DNA2: variants seen among roughly 807,000 people sequenced by gnomAD.
DNA2 encodes the protein DNA replication helicase/nuclease 2.
In DNA2, 101 loss-of-function variants were observed where a neutral mutation model predicts 119.1. The ratio of observed to expected loss-of-function variants is 0.85; its 90% confidence interval spans 0.72 to 1.00. The LOEUF is 1.00. Among genes scored for constraint, DNA2 ranks in the 50% least tolerant of loss-of-function variants. DNA2 has a pLI of 0.00. For synonymous variants in DNA2, 366 were observed against 424.4 expected, an observed-to-expected ratio of 0.86 and a Z score of 1.69; for missense variants, 1,121 against 1,255.5, an observed-to-expected ratio of 0.89 and a Z score of 1.62.
intron 3 of DNA2, among the ~76,000 whole-genome samples, chr10:68,466,052 GCT>G (rs2052323632): frequency 6.7e-6 from 1 of 150,258 alleles, no homozygotes; most frequent in Non-Finnish European, 1.5e-5. Flanking sequence ...ACAGAGTCTT[GCT>G]CTGTCACCCA....
chr10:68,417,942 A>C (rs1343859320), intron 19 of DNA2, among the ~76,000 whole-genome samples: 1 of 152,224 alleles, frequency 6.6e-6, no homozygotes, highest in African/African-American at 2.4e-5. Context: ...TATATGAGGT[A>C]CTTAGATTAG....
intron 8 of DNA2, among the ~76,000 whole-genome samples, chr10:68,444,414 C>CAAAT (rs1326807958): frequency 1.3e-5 from 2 of 150,462 alleles, no homozygotes; most frequent in South Asian, 2.1e-4. Context: ...AAATAAAATA[C>CAAAT]AAATAAATAA....
chr10:68,436,875 G>A, intron 10 of DNA2, 136 bp downstream of exon 10: 2 of 664,274 alleles, frequency 3.0e-6, no homozygotes, highest in East Asian at 5.7e-5. Flanking sequence ...AATACTCAAA[G>A]TTGATTGTGG....
chr10:68,455,649 C>T (rs1160319110), intron 5 of DNA2, among the ~76,000 whole-genome samples: 5 of 151,650 alleles, frequency 3.3e-5, no homozygotes, highest in Admixed American at 2.6e-4. Flanking sequence ...GGTGAAACCT[C>T]GCCTCTACTA....
chr10:68,472,188 G>C (rs1368409818), upstream of DNA2: 3 of 1,274,462 alleles, frequency 2.4e-6, no homozygotes, highest in Non-Finnish European at 3.0e-6. Flanking sequence ...GAAACCTCCC[G>C]GGTTCACACC....
At chr10:68,424,160 G>A (rs999142220) in intron 14 of DNA2, among the ~76,000 whole-genome samples, 4 of 152,040 alleles carry the variant, frequency 2.6e-5, no homozygotes, top group Non-Finnish European at 5.9e-5. Flanking sequence ...CAAAGTCTCA[G>A]CCAAGAAATA....
At chr10:68,445,133 A>G (rs765526575) in intron 7 of DNA2, 50 bp from the exon 8 acceptor site, 3 of 1,509,732 alleles carry the variant, frequency 2.0e-6, no homozygotes, top group Non-Finnish European at 2.7e-6. Context: ...AAAGTTTATC[A>G]TGTCTTTTTC....
intron 20 of DNA2, 68 bp from the exon 21 acceptor site, chr10:68,415,175 T>C: frequency 1.0e-6 from 1 of 988,750 alleles, no homozygotes; most frequent in East Asian, 2.7e-5. Context: ...CATTATTATT[T>C]AACATTTTGT....
chr10:68,449,781 T>G (rs191953154), intron 6 of DNA2, among the ~76,000 whole-genome samples: 7 of 151,760 alleles, frequency 4.6e-5, no homozygotes, highest in African/African-American at 1.7e-4. Flanking sequence ...GGCATGATGG[T>G]GAGGGCCTGT....
intron 4 of DNA2, among the ~76,000 whole-genome samples, chr10:68,462,938 G>T (rs549066591): frequency 6.6e-6 from 1 of 151,938 alleles, no homozygotes; most frequent in Admixed American, 6.6e-5. Context: ...AGACCAGCCT[G>T]GCCAACATGG....
intron 5 of DNA2, among the ~76,000 whole-genome samples, chr10:68,456,234 A>G (rs1209383417): frequency 2.0e-5 from 3 of 151,468 alleles, no homozygotes; most frequent in Admixed American, 1.3e-4. Context: ...CAGAGAGAGA[A>G]AAAAAAAAGT....
chr10:68,415,177 ACAT>A, intron 20 of DNA2, 70 bp from the exon 21 acceptor site: 1 of 991,528 alleles, frequency 1.0e-6, no homozygotes, highest in African/African-American at 1.7e-5. Flanking sequence ...TTATTATTTA[ACAT>A]TTTGTAATTT....
At chr10:68,450,005 A>T in intron 6 of DNA2, 23 bp downstream of exon 6, 1 of 1,478,896 alleles carries the variant, frequency 6.8e-7, no homozygotes, top group Non-Finnish European at 9.2e-7. Context: ...TAAAACAGAC[A>T]ATTTTCTTAT....
rs527377685 is a variant in DNA2 at position 68,452,407 on chromosome 10, C to T, written c.720-2160G>A. Among the ~76,000 whole-genome samples the T allele has an allele frequency of 4.6e-5, 7 of 152,234 alleles. No individual in the cohort carries two copies. In the South Asian group the frequency reaches 1.5e-3, roughly 32 times the overall value. ...TTAAATATTTATATTCTCTCACCAA[C>T]TGTTACTTGTTCACGGTGTGTATTC... On this transcript the variant is annotated intron_variant, in intron 5 of 20. Coordinates refer to ENST00000358410, the MANE Select transcript of DNA2 (RefSeq NM_001080449.3).
At chr10:68,427,597 C>T (rs1391296618) in intron 14 of DNA2, among the ~76,000 whole-genome samples, 1 of 150,830 alleles carries the variant, frequency 6.6e-6, no homozygotes, top group African/African-American at 2.4e-5. Flanking sequence ...TGCAGTGAGG[C>T]GTGGTCTCAC....
intron 9 of DNA2, among the ~76,000 whole-genome samples, chr10:68,441,651 C>T (rs1281606872): frequency 6.6e-6 from 1 of 152,032 alleles, no homozygotes; most frequent in Non-Finnish European, 1.5e-5. Flanking sequence ...TGGCAGGCGC[C>T]TGTAATCCCA....
intron 6 of DNA2, among the ~76,000 whole-genome samples, chr10:68,447,145 A>C (rs1314876434): frequency 2.0e-5 from 3 of 152,142 alleles, no homozygotes; most frequent in Non-Finnish European, 4.4e-5. Context: ...GTACCCACAA[A>C]AATTTAAAAG....
At chr10:68,455,478 G>T (rs536674912) in intron 5 of DNA2, among the ~76,000 whole-genome samples, 1 of 152,204 alleles carries the variant, frequency 6.6e-6, no homozygotes, top group South Asian at 2.1e-4. Flanking sequence ...TTTTCTTAGT[G>T]TAGGGAGCTG....
chr10:68,418,305 G>T (rs2051618065), intron 19 of DNA2, among the ~76,000 whole-genome samples: 1 of 151,876 alleles, frequency 6.6e-6, no homozygotes, highest in Non-Finnish European at 1.5e-5. Context: ...CCAGCTATTT[G>T]GGAGGCTGAG....
Sources: gnomAD v4.1 joint callset for allele counts (sites outside exome capture counted in the v4.1 genomes callset) on GRCh38, gnomAD v4.1.1 for gene constraint, MANE v1.5 for transcripts, NCBI Gene and HGNC (gene_info 2026-07-23, HGNC 2026-07-21) for gene names.